The following TOMM5 variants were observed in gnomAD, a reference collection of about 807,000 sequenced individuals.
TOMM5 encodes mitochondrial import receptor subunit TOM5 homolog.
TOMM5 carries 1 observed loss-of-function variant against 4.8 expected under a neutral mutation model. The observed-to-expected ratio is 0.21, with a 90% CI of 0.07 to 0.99. The LOEUF (loss-of-function observed/expected upper bound fraction) is 0.99, where lower values mean the gene tolerates loss of function less well. Among genes scored for constraint, TOMM5 ranks in the 50% least tolerant of loss-of-function variants. TOMM5 has a pLI of 0.60. For synonymous variants in TOMM5, 26 were observed against 26.7 expected (o/e 0.97, Z 0.08); for missense variants, 60 against 66.6 (o/e 0.90, Z 0.35).
In TOMM5 at chr9:37,592,560, C is replaced by A; in HGVS notation, c.-28G>T. On this transcript the variant is annotated 5_prime_UTR_variant, in exon 1 of 2. Coordinates refer to ENST00000321301, the MANE Select transcript of TOMM5 (RefSeq NM_001001790.3). The stretch of plus-strand genomic sequence containing the variant: ...CGGCTCTGACTTAGCAGCTTCCAGC[C>A]GCCGCGCTCTGCTCTCCACGGTGGC... 1.2e-6 allele frequency: 2 copies of A among 1,603,892 alleles called. No homozygotes were observed. The highest frequency in any genetic ancestry group is 1.7e-6 in the Non-Finnish European group (2 of 1,174,172).
At position 37,588,441 on chromosome 9, in the gene TOMM5, CATAGACTA is replaced by C. The variant is rs1563899000; in HGVS notation, c.*449_*456del. The C allele has an allele frequency of 4.8e-6, 1 of 207,500 alleles. No individual in the cohort carries two copies. The highest frequency in any genetic ancestry group is 2.4e-5 in the African/African-American group (1 of 42,494). 12.9% of individuals were successfully genotyped at this position (207,500 alleles called of 1,614,324 possible). On this transcript the variant is annotated 3_prime_UTR_variant, in exon 2 of 2. Coordinates refer to ENST00000321301, the MANE Select transcript of TOMM5 (RefSeq NM_001001790.3). ...TCTTAATTGATATGTTTATTAAAAA[CATAGACTA>C]ATAATGATCCTGTGCTTAAATGTCA...
At chr9:37,590,681 C>T (rs1823085909) in intron 1 of TOMM5, among the ~76,000 whole-genome samples, 1 of 152,114 alleles carries the variant, frequency 6.6e-6, no homozygotes, top group Non-Finnish European at 1.5e-5. Flanking sequence ...ACAAAGGTCA[C>T]TGAGAAGCAG....
chr9:37,589,842 G>A (rs1204095258), intron 1 of TOMM5, among the ~76,000 whole-genome samples: 1 of 152,036 alleles, frequency 6.6e-6, no homozygotes, highest in Non-Finnish European at 1.5e-5. Flanking sequence ...ATATTAAACT[G>A]AAGACACTGA....
chr9:37,592,310 C>T (rs1457297204), intron 1 of TOMM5, 102 bp downstream of exon 1: 2 of 1,582,884 alleles, frequency 1.3e-6, no homozygotes, highest in Admixed American at 1.8e-5. Context: ...TCCCCGCTAC[C>T]GTTCAGCTCA....
At position 37,592,487 on chromosome 9, in the gene TOMM5, TCTC is replaced by T; in HGVS notation, c.43_45del (p.Glu15del). On this transcript the variant is annotated inframe_deletion, in exon 1 of 2. Transcript: ENST00000321301. ...ACATCCTCGCGCATCTTCCGTTTCA[TCTC>T]CTCCGGGTCCAGCTTCGGCGCGAGG... The T allele has an allele frequency of 1.2e-6, 2 of 1,613,978 alleles. No individual in the cohort carries two copies. Among genetic ancestry groups the T allele is most frequent in the Non-Finnish European group, 8.5e-7 (1 of 1,179,998 alleles).
intron 1 of TOMM5, among the ~76,000 whole-genome samples, chr9:37,591,942 G>C (rs1488613167): frequency 6.6e-6 from 1 of 151,718 alleles, no homozygotes; most frequent in Non-Finnish European, 1.5e-5. Context: ...TTTTGAGATG[G>C]AGTCTTGCTC....
chr9:37,589,196 A>T (rs1461618447), intron 1 of TOMM5, among the ~76,000 whole-genome samples: 2 of 152,244 alleles, frequency 1.3e-5, no homozygotes, highest in Non-Finnish European at 2.9e-5. Flanking sequence ...ATAAAGTATA[A>T]ATCCAATTCT....
chr9:37,588,545 A>G lies in TOMM5; in HGVS notation c.*353T>C, dbSNP rs760478650. On this transcript the variant is annotated 3_prime_UTR_variant, in exon 2 of 2. Coordinates refer to ENST00000321301, the MANE Select transcript of TOMM5 (RefSeq NM_001001790.3). ...TTCACAAATACACTCTGGGCAGAAG[A>G]AAAAGGTAAACAGAAATGACTGACA... The G allele has an allele frequency of 1.2e-5, 5 of 413,028 alleles. No individual in the cohort carries two copies. Among genetic ancestry groups the G allele is most frequent in the African/African-American group, 1.0e-4 (5 of 49,094 alleles). 25.6% of individuals were successfully genotyped at this position (413,028 alleles called of 1,614,324 possible). A position where few individuals can be genotyped will look rare whatever the true frequency, so the allele number is the denominator to read the frequency against.
chr9:37,592,141 G>C, intron 1 of TOMM5: 2 of 1,355,044 alleles, frequency 1.5e-6, no homozygotes, highest in Non-Finnish European at 2.0e-6. Context: ...TTACAGGTGT[G>C]AGCCAACGCG....
At chr9:37,591,220 G>A (rs1472161678) in intron 1 of TOMM5, among the ~76,000 whole-genome samples, 1 of 151,936 alleles carries the variant, frequency 6.6e-6, no homozygotes, top group East Asian at 1.9e-4. Flanking sequence ...TATATAATGG[G>A]AGTAACTTCC....
rs1208232256 is a variant in TOMM5 at position 37,592,406 on chromosome 9, A to G, written c.121+6T>C. 1.2e-6 allele frequency: 2 copies of G among 1,613,926 alleles called. No individual in the cohort carries two copies. The highest frequency in any genetic ancestry group is 1.1e-5 in the South Asian group (1 of 91,022). ...GTCTCACAGTCACAGCCCGGGAGACACTCACTGACTCGCAGGAGGGCCACG... is the reference window on the plus strand; with the variant it reads ...GTCTCACAGTCACAGCCCGGGAGACGCTCACTGACTCGCAGGAGGGCCACG... On this transcript the variant is annotated splice_donor_region_variant and intron_variant, in intron 1 of 1. Transcript: ENST00000321301.
chr9:37,588,935 G>C lies in TOMM5; in HGVS notation c.122-3C>G. On this transcript the variant is annotated splice_polypyrimidine_tract_variant and splice_region_variant and intron_variant, in intron 1 of 1. Transcript: ENST00000321301. ...CAATTTCTTTAAGATAAATGGAGCT[G>C]AAAGAAAAACAAATCTAAAATTAGT... is the stretch of plus-strand genomic sequence containing the variant. 1 of 1,610,714 alleles carries C rather than the reference G, an allele frequency of 6.2e-7. No homozygotes were observed. The highest frequency in any genetic ancestry group is 8.5e-7 in the Non-Finnish European group (1 of 1,177,844).
intron 1 of TOMM5, among the ~76,000 whole-genome samples, chr9:37,589,556 A>G (rs1221910378): frequency 2.0e-5 from 3 of 152,234 alleles, no homozygotes; most frequent in Non-Finnish European, 4.4e-5. Flanking sequence ...TGTGACCAAA[A>G]AAAAGCTACC....
Position 37,592,596 on chromosome 9 carries a change from C to A in TOMM5, c.-64G>T. 1.9e-6 allele frequency: 3 copies of A among 1,568,834 alleles called. No homozygotes were observed. Among genetic ancestry groups the A allele is most frequent in the African/African-American group, 2.7e-5 (2 of 74,262 alleles). The stretch of plus-strand genomic sequence containing the variant: ...GCTCTCCACGGTGGCCGCCTCGCGC[C>A]CGGAACTCGGCCTATCCTCACTTCC... On this transcript the variant is annotated 5_prime_UTR_variant, in exon 1 of 2. Transcript: ENST00000321301.
chr9:37,588,881 T>A lies in TOMM5; in HGVS notation c.*17A>T, dbSNP rs754073350. ...CCAGGCTCTTCATATCGTGCATTCA[T>A]ATGTGATGTCCTGTCTTCATATGCT... On this transcript the variant is annotated 3_prime_UTR_variant, in exon 2 of 2. Transcript: ENST00000321301. 1 of 1,613,670 alleles carries A rather than the reference T, an allele frequency of 6.2e-7. No homozygotes were observed. Among genetic ancestry groups the A allele is most frequent in the African/African-American group, 1.3e-5 (1 of 75,068 alleles).
chr9:37,588,871 C>T lies in TOMM5; in HGVS notation c.*27G>A, dbSNP rs1240977754. On this transcript the variant is annotated 3_prime_UTR_variant, in exon 2 of 2. Coordinates refer to ENST00000321301, the MANE Select transcript of TOMM5 (RefSeq NM_001001790.3). Reference sequence around the variant, plus strand: ...GAAACTGTAACCAGGCTCTTCATATCGTGCATTCATATGTGATGTCCTGTC... The same window carrying T: ...GAAACTGTAACCAGGCTCTTCATATTGTGCATTCATATGTGATGTCCTGTC... 5 of 1,612,306 alleles carry T rather than the reference C, an allele frequency of 3.1e-6. No individual in the cohort carries two copies. Among genetic ancestry groups the T allele is most frequent in the East Asian group, 2.2e-5 (1 of 44,870 alleles).
intron 1 of TOMM5, 136 bp downstream of exon 1, chr9:37,592,276 G>A (rs777459607): frequency 1.5e-5 from 23 of 1,552,928 alleles, no homozygotes; most frequent in East Asian, 2.4e-5. Flanking sequence ...TATGCCCGTC[G>A]CCTTCAACGC....
At chr9:37,589,634 T>A (rs960720675) in intron 1 of TOMM5, among the ~76,000 whole-genome samples, 4 of 152,178 alleles carry the variant, frequency 2.6e-5, no homozygotes, top group Non-Finnish European at 4.4e-5. Flanking sequence ...TTATTTATTT[T>A]TTTCAGCCTC....
At chr9:37,592,264 C>T (rs752131007) in intron 1 of TOMM5, 148 bp downstream of exon 1, 2 of 1,550,596 alleles carry the variant, frequency 1.3e-6, no homozygotes, top group South Asian at 1.2e-5. Context: ...TCAAACCGCG[C>T]ATATGCCCGT....
Sources: allele counts gnomAD v4.1 joint callset (sites outside exome capture counted in the v4.1 genomes callset), GRCh38; gene constraint gnomAD v4.1.1; transcripts MANE v1.5; gene names NCBI Gene and HGNC (gene_info 2026-07-23, HGNC 2026-07-21).